DPP6: variants seen among roughly 807,000 people sequenced by gnomAD.
DPP6 encodes dipeptidyl peptidase like 6.
A neutral mutation model predicts 122.6 loss-of-function variants in DPP6; 69 were observed. That is an observed-to-expected ratio of 0.56 (90% CI 0.46 to 0.69). The LOEUF (loss-of-function observed/expected upper bound fraction) is 0.69, where lower values mean the gene tolerates loss of function less well. DPP6 is among the 30% of genes least tolerant of loss of function. The probability of loss-of-function intolerance (pLI) is 0.00; values close to 1 mark genes in which losing one functional copy is unlikely to be tolerated. For missense variants in DPP6, 928 were observed against 1,116.9 expected, an observed-to-expected ratio of 0.83 and a Z score of 2.41; for synonymous variants, 418 against 433.1, an observed-to-expected ratio of 0.97 and a Z score of 0.43.
At position 154,868,393 on chromosome 7, in the gene DPP6, G is replaced by A. The variant is rs747867469; in HGVS notation, c.1813+300G>A. On this transcript the variant is annotated intron_variant, in intron 18 of 25. Transcript: ENST00000377770. ...TCTTTGGTGACCGTGTCAAGACACCGTCCAGAAAAACCTCTTCCCTCTGGA... is the reference window on the plus strand; with the variant it reads ...TCTTTGGTGACCGTGTCAAGACACCATCCAGAAAAACCTCTTCCCTCTGGA... Among the ~76,000 whole-genome samples, 46 of 152,164 alleles carry A rather than the reference G, an allele frequency of 3.0e-4. 1 individual carries two copies. The highest frequency in any genetic ancestry group is 2.7e-3 in the Admixed American group (41 of 15,284).
At position 154,573,352 on chromosome 7, in the gene DPP6, G is replaced by A. The variant is rs887191083; in HGVS notation, c.627+6436G>A. 4.6e-5 allele frequency among the ~76,000 whole-genome samples: 7 copies of A among 152,128 alleles called. No homozygotes were observed. The South Asian group carries it at 6.2e-4, about 14-fold the overall frequency. On this transcript the variant is annotated intron_variant, in intron 5 of 25. Coordinates refer to ENST00000377770, the MANE Select transcript of DPP6 (RefSeq NM_130797.4). ...GTGTGCCATTTCTACCACACCTGCC[G>A]CCCTTTCTGCATCAGCCCAGTAGCT...
the DPP6 span, among the ~76,000 whole-genome samples, chr7:153,834,658 G>C: frequency 2.0e-5 from 3 of 152,156 alleles, no homozygotes; most frequent in African/African-American, 7.2e-5. Flanking sequence ...AGAACATGTT[G>C]TTTTGCATCA....
At chr7:154,640,985 A>T (rs1836048676) in intron 6 of DPP6, among the ~76,000 whole-genome samples, 1 of 152,098 alleles carries the variant, frequency 6.6e-6, no homozygotes, top group Non-Finnish European at 1.5e-5. Context: ...AGTCTTTGCA[A>T]CCAGCCAGAG....
At chr7:154,013,527 A>G (rs1033946857) in intron 1 of DPP6, among the ~76,000 whole-genome samples, 1 of 151,164 alleles carries the variant, frequency 6.6e-6, no homozygotes, top group African/African-American at 2.4e-5. Context: ...ATACAACCAA[A>G]TATAGTTAAA....
At chr7:154,758,710 G>A (rs1246140063) in intron 8 of DPP6, among the ~76,000 whole-genome samples, 2 of 152,106 alleles carry the variant, frequency 1.3e-5, no homozygotes, top group African/African-American at 2.4e-5. Flanking sequence ...TGAATGTTTA[G>A]AACTGAATTA....
intron 1 of DPP6, among the ~76,000 whole-genome samples, chr7:154,167,268 A>T (rs895685134): frequency 6.6e-6 from 1 of 152,132 alleles, no homozygotes; most frequent in Non-Finnish European, 1.5e-5. Context: ...AGGCAAATAG[A>T]AGTTAAGCAC....
chr7:154,079,049 G>T (rs1304964026), intron 1 of DPP6, among the ~76,000 whole-genome samples: 4 of 151,674 alleles, frequency 2.6e-5, no homozygotes, highest in Non-Finnish European at 5.9e-5. Flanking sequence ...ACGCGGTCAG[G>T]AGATGGAGAC....
chr7:154,371,272 G>A (rs1421155562), intron 1 of DPP6, among the ~76,000 whole-genome samples: 1 of 150,804 alleles, frequency 6.6e-6, no homozygotes, highest in Non-Finnish European at 1.5e-5. Flanking sequence ...CCAGCTACTC[G>A]GGAGGCTGAG....
At chr7:154,693,841 TTCTG>T (rs1474142112) in intron 7 of DPP6, among the ~76,000 whole-genome samples, 3 of 152,172 alleles carry the variant, frequency 2.0e-5, no homozygotes, top group African/African-American at 7.2e-5. Context: ...GCCTGGAAGT[TTCTG>T]TCTAAGTCTG....
At chr7:154,622,638 A>G (rs935811722) in intron 5 of DPP6, among the ~76,000 whole-genome samples, 6 of 152,220 alleles carry the variant, frequency 3.9e-5, no homozygotes, top group Non-Finnish European at 7.3e-5. Context: ...TTCCTACTCT[A>G]ACTGTAGATA....
chr7:153,767,300 TTGA>T, the DPP6 span, among the ~76,000 whole-genome samples: 2 of 152,182 alleles, frequency 1.3e-5, no homozygotes, highest in Admixed American at 6.5e-5. Context: ...AAATGCAATT[TTGA>T]TGATAAGGAC....
intron 5 of DPP6, chr7:154,588,727 G>A (rs1011944670): frequency 6.7e-6 from 1 of 149,464 alleles, no homozygotes; most frequent in South Asian, 2.1e-4. Flanking sequence ...AAATAATCTT[G>A]TGGTCTTTCT....
At chr7:153,814,101 C>G in the DPP6 span, among the ~76,000 whole-genome samples, 1 of 152,054 alleles carries the variant, frequency 6.6e-6, no homozygotes, top group Non-Finnish European at 1.5e-5. Flanking sequence ...CTTGCCCATG[C>G]CTATGTCCTG....
intron 5 of DPP6, among the ~76,000 whole-genome samples, chr7:154,574,481 GTGTGTA>G (rs1265850489): frequency 3.5e-5 from 5 of 141,222 alleles, no homozygotes; most frequent in South Asian, 4.8e-4. Context: ...TGTGTGTGGT[GTGTGTA>G]TGTGTATGTG....
At chr7:154,287,803 G>A (rs931612908) in intron 1 of DPP6, among the ~76,000 whole-genome samples, 1 of 152,288 alleles carries the variant, frequency 6.6e-6, no homozygotes, top group South Asian at 2.1e-4. Flanking sequence ...GGGAGGAGAG[G>A]TGAGGCCTGC....
intron 3 of DPP6, among the ~76,000 whole-genome samples, chr7:154,505,593 G>A (rs886843399): frequency 5.9e-5 from 9 of 152,132 alleles, no homozygotes; most frequent in East Asian, 1.9e-4. Flanking sequence ...CATGGGTCAC[G>A]TCTTTTATAG....
At position 154,737,252 on chromosome 7, in the gene DPP6, G is replaced by A. The variant is rs958191807; in HGVS notation, c.883+9365G>A. ...TCTAGGATTGTTCCTTGGTATCCTC[G>A]GGAGACTGGTTCCAGGAACCCCACT... On this transcript the variant is annotated intron_variant, in intron 8 of 25. Transcript: ENST00000377770. Among the ~76,000 whole-genome samples, 8 of 152,118 alleles carry A rather than the reference G, an allele frequency of 5.3e-5. No individual in the cohort carries two copies. In the East Asian group the frequency reaches 1.3e-3, roughly 26 times the overall value.
rs1477997853 is a variant in DPP6, at chr7:154,885,840, TC to T, written c.2245+99del. On this transcript the variant is annotated intron_variant, in intron 22 of 25. Coordinates refer to ENST00000377770, the MANE Select transcript of DPP6 (RefSeq NM_130797.4). Reference sequence around the variant, plus strand: ...CACAGCCCTCCCTTCAGCACCACCGTCCCGCTAACCACAGGTGCCTCCAGGC... The same window carrying T: ...CACAGCCCTCCCTTCAGCACCACCGTCCGCTAACCACAGGTGCCTCCAGGC... The T allele has an allele frequency of 5.5e-5, 82 of 1,492,898 alleles. No homozygotes were observed. In the African/African-American group the frequency reaches 8.5e-4, roughly 16 times the overall value. 92.5% of individuals were successfully genotyped at this position (1,492,898 alleles called of 1,614,324 possible). A position where few individuals can be genotyped will look rare whatever the true frequency, so the allele number is the denominator to read the frequency against.
At chr7:154,653,701 T>G (rs1837036191) in intron 6 of DPP6, among the ~76,000 whole-genome samples, 2 of 152,184 alleles carry the variant, frequency 1.3e-5, no homozygotes, top group Admixed American at 6.5e-5. Context: ...CATCATCTCA[T>G]TCCATTTTAG....
Sources: allele counts gnomAD v4.1 joint callset (sites outside exome capture counted in the v4.1 genomes callset), GRCh38; gene constraint gnomAD v4.1.1; transcripts MANE v1.5; gene names NCBI Gene and HGNC (gene_info 2026-07-23, HGNC 2026-07-21).